Variants in GPC6 observed in about 807,000 individuals in gnomAD.
GPC6 encodes the protein glypican 6, also known as glypican-6.
GPC6 carries 14 observed loss-of-function variants against 55.2 expected under a neutral mutation model. The ratio of observed to expected loss-of-function variants is 0.25; its 90% CI spans 0.17 to 0.40. The LOEUF is 0.40. Ranked by LOEUF, GPC6 falls within the 10% of genes least tolerant of loss-of-function variation. The pLI is 1.00. For missense variants in GPC6, 641 were observed against 708.5 expected (o/e 0.90, Z 1.08); for synonymous variants, 278 against 259.6 (o/e 1.07, Z -0.68).
intron 4 of GPC6, among the ~76,000 whole-genome samples, chr13:94,192,055 A>T (rs555135185): frequency 7.7e-5 from 8 of 104,214 alleles, no homozygotes; most frequent in Admixed American, 1.8e-4. Context: ...GATTTTTATT[A>T]AAAAAAATAG....
Position 94,266,213 on chromosome 13 carries a change from G to A in GPC6, c.878-20136G>A, listed in dbSNP as rs541506293. Among the ~76,000 whole-genome samples the A allele has an allele frequency of 1.8e-4, 27 of 150,580 alleles. 1 individual carries two copies. Among genetic ancestry groups the A allele is most frequent in the African/African-American group, 6.6e-4 (27 of 40,908 alleles). ...AGAAGGAGTCTCGCTCTGTTGCCCA[G>A]GCTGGAGTGCAGTGGCACGATCTTG... On this transcript the variant is annotated intron_variant, in intron 4 of 8. Coordinates refer to ENST00000377047, the MANE Select transcript of GPC6 (RefSeq NM_005708.5).
At chr13:93,277,228 A>C (rs1877788626) in intron 1 of GPC6, among the ~76,000 whole-genome samples, 1 of 152,228 alleles carries the variant, frequency 6.6e-6, no homozygotes. Context: ...GTGAAAAGAA[A>C]GTCCTGGGTT....
intron 4 of GPC6, among the ~76,000 whole-genome samples, chr13:94,081,501 T>C (rs1885094636): frequency 6.6e-6 from 1 of 152,174 alleles, no homozygotes; most frequent in Non-Finnish European, 1.5e-5. Flanking sequence ...AAAATATTAC[T>C]ACTCAGAATT....
intron 6 of GPC6, among the ~76,000 whole-genome samples, chr13:94,316,171 TA>T (rs1002700225): frequency 3.8e-4 from 56 of 148,860 alleles, no homozygotes; most frequent in East Asian, 2.7e-3. Context: ...AGAACTAACT[TA>T]AAAAAAAAAA....
chr13:93,853,902 G>A (rs1469621646), intron 3 of GPC6, among the ~76,000 whole-genome samples: 2 of 151,674 alleles, frequency 1.3e-5, no homozygotes, highest in African/African-American at 4.8e-5. Context: ...ATGAAACACA[G>A]TAACATGTTC....
intron 1 of GPC6, among the ~76,000 whole-genome samples, chr13:93,315,036 T>C (rs1879201344): frequency 6.6e-6 from 1 of 152,120 alleles, no homozygotes; most frequent in Admixed American, 6.6e-5. Flanking sequence ...CATTGTTGGT[T>C]TGAAAGATGG....
chr13:94,073,793 A>G (rs1358954816), intron 4 of GPC6, among the ~76,000 whole-genome samples: 2 of 152,180 alleles, frequency 1.3e-5, no homozygotes, highest in African/African-American at 4.8e-5. Flanking sequence ...TAGTAATAAT[A>G]ACCTTGAATT....
At chr13:93,473,881 C>T (rs1187436199) in intron 1 of GPC6, among the ~76,000 whole-genome samples, 1 of 152,138 alleles carries the variant, frequency 6.6e-6, no homozygotes, top group Non-Finnish European at 1.5e-5. Flanking sequence ...GTAGGTCCCA[C>T]CTGGCTATGT....
chr13:93,662,178 C>T lies in GPC6; in HGVS notation c.319+116757C>T, dbSNP rs565208861. Among the ~76,000 whole-genome samples the T allele has an allele frequency of 3.9e-5, 6 of 152,284 alleles. No individual in the cohort carries two copies. The South Asian group carries it at 1.2e-3, about 32-fold the overall frequency. ...AATTTCATATATGTTTCTCTTCCTTCCTGCATCTTGAGTTTTCTGTTATTC... is the reference window on the plus strand; with the variant it reads ...AATTTCATATATGTTTCTCTTCCTTTCTGCATCTTGAGTTTTCTGTTATTC... On this transcript the variant is annotated intron_variant, in intron 2 of 8. Transcript: ENST00000377047.
chr13:93,393,766 G>A (rs970071261), intron 1 of GPC6, among the ~76,000 whole-genome samples: 7 of 151,792 alleles, frequency 4.6e-5, no homozygotes, highest in African/African-American at 1.7e-4. Context: ...CCTAGAGAAT[G>A]GCATTCAAGA....
At chr13:93,446,299 AG>A in intron 1 of GPC6, among the ~76,000 whole-genome samples, 1 of 152,312 alleles carries the variant, frequency 6.6e-6, no homozygotes, top group South Asian at 2.1e-4. Context: ...ATCCTAGAGC[AG>A]ACTTCCTTTG....
At chr13:93,679,828 C>A (rs1483628388) in intron 2 of GPC6, among the ~76,000 whole-genome samples, 43 of 146,252 alleles carry the variant, frequency 2.9e-4, no homozygotes, top group African/African-American at 3.0e-4. Flanking sequence ...GTGTTATGAG[C>A]AAAAAAAAAA....
chr13:93,687,303 A>G (rs775336600), intron 2 of GPC6, among the ~76,000 whole-genome samples: 1 of 152,000 alleles, frequency 6.6e-6, no homozygotes, highest in Non-Finnish European at 1.5e-5. Flanking sequence ...CCCAATATTA[A>G]TCTGGTTTAT....
chr13:93,963,207 A>G (rs1205319935), intron 3 of GPC6, among the ~76,000 whole-genome samples: 1 of 152,140 alleles, frequency 6.6e-6, no homozygotes, highest in African/African-American at 2.4e-5. Flanking sequence ...ATCATGAACC[A>G]TGGAGAAAAG....
intron 4 of GPC6, among the ~76,000 whole-genome samples, chr13:94,276,453 T>C (rs897936678): frequency 1.3e-5 from 2 of 148,278 alleles, no homozygotes; most frequent in African/African-American, 2.5e-5. Context: ...GACCAGCGTA[T>C]GAAGGGCCTT....
At chr13:94,109,988 A>G (rs761447753) in intron 4 of GPC6, among the ~76,000 whole-genome samples, 1 of 151,362 alleles carries the variant, frequency 6.6e-6, no homozygotes, top group Non-Finnish European at 1.5e-5. Context: ...TTGTAACATA[A>G]TGATTTGCAA....
intron 4 of GPC6, among the ~76,000 whole-genome samples, chr13:94,170,889 T>C (rs1369023746): frequency 6.6e-6 from 1 of 152,214 alleles, no homozygotes; most frequent in African/African-American, 2.4e-5. Flanking sequence ...AGGCTTTCTC[T>C]GGGATTGTGT....
intron 1 of GPC6, among the ~76,000 whole-genome samples, chr13:93,231,391 A>ACG (rs1876037818): frequency 1.9e-4 from 4 of 21,478 alleles, no homozygotes; most frequent in South Asian, 1.5e-3. Context: ...ATATATATAT[A>ACG]TATATGTATA....
intron 6 of GPC6, among the ~76,000 whole-genome samples, chr13:94,337,822 G>C (rs542597826): frequency 6.6e-6 from 1 of 152,272 alleles, no homozygotes; most frequent in African/African-American, 2.4e-5. Context: ...AGAAGACACA[G>C]AAAGCCCTCA....
Sources: allele counts gnomAD v4.1 joint callset (sites outside exome capture counted in the v4.1 genomes callset), GRCh38; gene constraint gnomAD v4.1.1; transcripts MANE v1.5; gene names NCBI Gene and HGNC (gene_info 2026-07-23, HGNC 2026-07-21).